Variants in SND1 observed in about 807,000 individuals in gnomAD.
SND1 encodes the protein staphylococcal nuclease domain-containing protein 1.
Under a neutral mutation model 121.7 loss-of-function variants are expected in SND1, and 38 were observed. The ratio of observed to expected loss-of-function variants is 0.31; its 90% CI spans 0.24 to 0.41. The LOEUF (loss-of-function observed/expected upper bound fraction) is 0.41. SND1 is among the 10% of genes least tolerant of loss of function. SND1 has a pLI of 1.00. For synonymous variants in SND1, 401 were observed against 447.4 expected (o/e 0.90, Z 1.31); for missense variants, 868 against 1,184.6 (o/e 0.73, Z 3.92).
intron 1 of SND1, among the ~76,000 whole-genome samples, chr7:127,668,136 G>C (rs117283084): frequency 6.6e-6 from 1 of 152,190 alleles, no homozygotes; most frequent in East Asian, 1.9e-4. Context: ...TGTTAGAAAT[G>C]TAGACCCTCA....
At chr7:127,882,865 A>G (rs544466926) in intron 12 of SND1, among the ~76,000 whole-genome samples, 8 of 152,056 alleles carry the variant, frequency 5.3e-5, no homozygotes, top group Non-Finnish European at 5.9e-5. Flanking sequence ...CAGTAATTCT[A>G]CTCCAATTAC....
chr7:127,687,723 G>T (rs1382437631), intron 2 of SND1, among the ~76,000 whole-genome samples: 3 of 151,954 alleles, frequency 2.0e-5, no homozygotes, highest in Admixed American at 2.0e-4. Flanking sequence ...GGTCTCTGTT[G>T]CCCGGGCTGG....
Position 127,762,920 on chromosome 7 carries a change from A to C in SND1, c.1152+41520A>C, listed in dbSNP as rs1797332013. On this transcript the variant is annotated intron_variant, in intron 10 of 23. Coordinates refer to ENST00000354725, the MANE Select transcript of SND1 (RefSeq NM_014390.4). ...GTCAAGCTGGCTAAATATGTAGGTA[A>C]CTTCATCAAATGTACATAATCTGTA... Among the ~76,000 whole-genome samples, 3 of 152,232 alleles carry C rather than the reference A, an allele frequency of 2.0e-5. No homozygotes were observed. In the South Asian group the frequency reaches 6.2e-4, roughly 31 times the overall value.
At chr7:128,058,351 G>A (rs6949446) in intron 16 of SND1, among the ~76,000 whole-genome samples, 12,478 of 152,306 alleles carry the variant, frequency 0.082, 877 homozygotes, top group African/African-American at 0.19. Context: ...TTGTGAGGGA[G>A]ATGTTCAGCT....
chr7:127,658,531 G>A (rs1795251823), intron 1 of SND1, among the ~76,000 whole-genome samples: 1 of 152,128 alleles, frequency 6.6e-6, no homozygotes, highest in South Asian at 2.1e-4. Flanking sequence ...TGCCATTGTT[G>A]ATATTTCTCT....
intron 13 of SND1, among the ~76,000 whole-genome samples, chr7:127,899,617 G>C (rs1800187351): frequency 6.6e-6 from 1 of 152,186 alleles, no homozygotes; most frequent in Non-Finnish European, 1.5e-5. Context: ...ATTTCCACTT[G>C]ATTTCACAAG....
At chr7:127,787,528 T>G (rs755237213) in intron 10 of SND1, among the ~76,000 whole-genome samples, 3 of 152,208 alleles carry the variant, frequency 2.0e-5, no homozygotes, top group Non-Finnish European at 4.4e-5. Flanking sequence ...TAATGGGAAG[T>G]TGGTTTTTCA....
chr7:127,696,795 C>T (rs1362308967), intron 3 of SND1, among the ~76,000 whole-genome samples: 1 of 152,044 alleles, frequency 6.6e-6, no homozygotes, highest in African/African-American at 2.4e-5. Context: ...ACTCACATTA[C>T]AAACTGGATA....
intron 16 of SND1, chr7:128,030,428 C>G (rs1166182828): frequency 1.2e-6 from 2 of 1,613,892 alleles, no homozygotes; most frequent in East Asian, 2.2e-5. Flanking sequence ...AGGGAATACC[C>G]TGCGGGACCT....
At position 128,066,319 on chromosome 7, in the gene SND1, G is replaced by A. The variant is rs531303728; in HGVS notation, c.1780-8183G>A. Among the ~76,000 whole-genome samples, 301 of 152,342 alleles carry A rather than the reference G, an allele frequency of 2.0e-3. 2 individuals carry two copies. The highest frequency in any genetic ancestry group is 6.9e-3 in the African/African-American group (289 of 41,588). On this transcript the variant is annotated intron_variant, in intron 16 of 23. Transcript: ENST00000354725. Reference sequence around the variant, plus strand: ...AGGAGCCTCTTGGCCCCTCTTGCTGGTGTGCCAGCCCAGGCCTGATTTCCA... The same window carrying A: ...AGGAGCCTCTTGGCCCCTCTTGCTGATGTGCCAGCCCAGGCCTGATTTCCA...
At chr7:127,990,159 G>A (rs184415137) in intron 15 of SND1, among the ~76,000 whole-genome samples, 4 of 152,242 alleles carry the variant, frequency 2.6e-5, no homozygotes, top group South Asian at 2.1e-4. Flanking sequence ...GGCAGGCATC[G>A]TTCTAAATAA....
Position 127,703,103 on chromosome 7 carries a change from G to A in SND1, c.682-62G>A, listed in dbSNP as rs1796131612. On this transcript the variant is annotated intron_variant, in intron 6 of 23. Coordinates refer to ENST00000354725, the MANE Select transcript of SND1 (RefSeq NM_014390.4). ...GTGTTTTTTGGAAGGCTTAGTGTGG[G>A]GCGAGAGTGCCTAGCACTCACATTT... 4 of 1,573,790 alleles carry A rather than the reference G, an allele frequency of 2.5e-6. No individual in the cohort carries two copies. In the Admixed American group the frequency reaches 6.7e-5, roughly 26 times the overall value.
At chr7:127,861,473 G>A (rs755637948) in intron 12 of SND1, among the ~76,000 whole-genome samples, 8 of 151,914 alleles carry the variant, frequency 5.3e-5, no homozygotes, top group Non-Finnish European at 1.2e-4. Flanking sequence ...CATTTGTTTC[G>A]TTTTTGTTTT....
intron 16 of SND1, among the ~76,000 whole-genome samples, chr7:128,038,528 A>G (rs1792793193): frequency 1.3e-5 from 2 of 152,200 alleles, no homozygotes; most frequent in Non-Finnish European, 2.9e-5. Context: ...TAATACGGAA[A>G]CCGGTATAGA....
At position 128,087,052 on chromosome 7, in the gene SND1, G is replaced by A; in HGVS notation, c.2418+1G>A. On this transcript the variant is annotated splice_donor_variant, in intron 21 of 23. Transcript: ENST00000354725. LOFTEE classifies it high-confidence loss of function. ...CGCCTTCATCCAGGTGCCCCAAGAT[G>A]TGAGTCTGGAGTCTTCCTCCTTCCA... 1 of 1,612,518 alleles carries A rather than the reference G, an allele frequency of 6.2e-7. No individual in the cohort carries two copies. The highest frequency in any genetic ancestry group is 8.5e-7 in the Non-Finnish European group (1 of 1,178,618).
intron 10 of SND1, among the ~76,000 whole-genome samples, chr7:127,752,402 A>C (rs1426817674): frequency 2.0e-5 from 3 of 152,210 alleles, no homozygotes; most frequent in Non-Finnish European, 4.4e-5. Context: ...AGCTATTGGA[A>C]ATAGAAAGAT....
At chr7:128,025,924 C>T (rs576206064) in intron 16 of SND1, among the ~76,000 whole-genome samples, 36 of 151,972 alleles carry the variant, frequency 2.4e-4, no homozygotes, top group Non-Finnish European at 4.0e-4. Flanking sequence ...TGTTTTAGGC[C>T]CATTTCTGTA....
intron 12 of SND1, among the ~76,000 whole-genome samples, chr7:127,879,520 C>T (rs1359425541): frequency 1.3e-5 from 2 of 152,178 alleles, no homozygotes; most frequent in African/African-American, 4.8e-5. Context: ...TTACTCGTTT[C>T]TAACCTAGTT....
rs182213350 is a variant in SND1 at position 127,838,141 on chromosome 7, G to A, written c.1243-6183G>A. 3.3e-5 allele frequency among the ~76,000 whole-genome samples: 5 copies of A among 152,324 alleles called. No homozygotes were observed. In the East Asian group the frequency reaches 9.6e-4, roughly 29 times the overall value. On this transcript the variant is annotated intron_variant, in intron 11 of 23. Coordinates refer to ENST00000354725, the MANE Select transcript of SND1 (RefSeq NM_014390.4). The stretch of plus-strand genomic sequence containing the variant: ...AGAACAGGTGACTCAAGATGATTCA[G>A]TTCAGAGCAGGTGACCAGGGGTGAC...
Sources: gnomAD v4.1 joint callset for allele counts (sites outside exome capture counted in the v4.1 genomes callset) on GRCh38, gnomAD v4.1.1 for gene constraint, MANE v1.5 for transcripts, NCBI Gene and HGNC (gene_info 2026-07-23, HGNC 2026-07-21) for gene names.